TTBK2: variants seen among roughly 807,000 people sequenced by gnomAD.
TTBK2 encodes the protein tau-tubulin kinase 2.
Under a neutral mutation model 110.8 loss-of-function variants are expected in TTBK2, and 28 were observed. The observed-to-expected ratio is 0.25, with a 90% confidence interval of 0.19 to 0.35. The LOEUF is 0.35. TTBK2 is among the 10% of genes least tolerant of loss of function. TTBK2 has a pLI of 1.00. For synonymous variants in TTBK2, 532 were observed against 527.3 expected, an observed-to-expected ratio of 1.01 and a Z score of -0.12; for missense variants, 1,369 against 1,500.3, an observed-to-expected ratio of 0.91 and a Z score of 1.45.
At chr15:42,774,534 C>T (rs1424216419) in intron 13 of TTBK2, among the ~76,000 whole-genome samples, 1 of 152,028 alleles carries the variant, frequency 6.6e-6, no homozygotes, top group Admixed American at 6.6e-5. Context: ...ATAAATGCCG[C>T]CTCTACCTGC....
At chr15:42,764,006 AG>A (rs1889234243) in intron 13 of TTBK2, among the ~76,000 whole-genome samples, 3 of 152,232 alleles carry the variant, frequency 2.0e-5, no homozygotes, top group Non-Finnish European at 4.4e-5. Context: ...ATAGAAGCCC[AG>A]AAAAGATGGA....
At chr15:42,871,321 T>C (rs930685025) in intron 3 of TTBK2, 2 of 383,784 alleles carry the variant, frequency 5.2e-6, no homozygotes, top group African/African-American at 4.4e-5. Context: ...CAAGGGTCTC[T>C]AACTCATTCA....
At chr15:42,763,793 ACAAAGGTGG>A (rs762814423) in intron 13 of TTBK2, among the ~76,000 whole-genome samples, 21 of 152,318 alleles carry the variant, frequency 1.4e-4, no homozygotes, top group Non-Finnish European at 2.9e-4. Flanking sequence ...AGTCTTTGCC[ACAAAGGTGG>A]GCAAAACTAA....
intron 14 of TTBK2, among the ~76,000 whole-genome samples, chr15:42,747,369 A>C (rs2061807536): frequency 6.6e-6 from 1 of 152,198 alleles, no homozygotes; most frequent in Non-Finnish European, 1.5e-5. Context: ...AAAATGGAAC[A>C]TATAAAAGTG....
intron 1 of TTBK2, among the ~76,000 whole-genome samples, chr15:42,884,223 T>C (rs1895158555): frequency 6.6e-6 from 1 of 152,154 alleles, no homozygotes; most frequent in African/African-American, 2.4e-5. Flanking sequence ...AATAAATAAC[T>C]AGACAGAAAA....
intron 1 of TTBK2, among the ~76,000 whole-genome samples, chr15:42,894,362 G>C (rs1895584654): frequency 6.6e-6 from 1 of 151,874 alleles, no homozygotes; most frequent in African/African-American, 2.4e-5. Context: ...AACATTTAAA[G>C]AAAAAATGAA....
At chr15:42,777,355 G>A in intron 11 of TTBK2, 113 bp from the exon 12 acceptor site, 2 of 1,149,792 alleles carry the variant, frequency 1.7e-6, no homozygotes, top group South Asian at 2.9e-5. Flanking sequence ...GTTTTCAGAT[G>A]ATTAGGATAT....
intron 2 of TTBK2, among the ~76,000 whole-genome samples, chr15:42,878,346 C>G (rs1284817365): frequency 2.6e-5 from 4 of 151,854 alleles, no homozygotes; most frequent in Non-Finnish European, 4.4e-5. Flanking sequence ...CTATACGAAG[C>G]AAGAGTAAGA....
chr15:42,872,663 T>G lies in TTBK2; in HGVS notation c.165A>C (p.Gln55His). The G allele has an allele frequency of 6.2e-7, 1 of 1,614,162 alleles. No individual in the cohort carries two copies. The highest frequency in any genetic ancestry group is 8.5e-7 in the Non-Finnish European group (1 of 1,180,024). The change falls in exon 3 of 15, where the codon CAA becomes CAC. Residue 55 changes from glutamine to histidine, a missense_variant. Around this residue, in one of 4 missense-constraint regions of TTBK2, gnomAD observed 122 missense variants for 159.7 expected, o/e 0.76. Coordinates refer to ENST00000267890, the MANE Select transcript of TTBK2 (RefSeq NM_173500.4). ...CCATTTTCAGAACTTGTTTTGGTTG[T>G]TGAGCTGATTCCACCTTCAGTGCAA... ...ENVALKVESA[Q>H]QPKQVLKMEV...
In TTBK2 at chr15:42,853,782, G is replaced by A. The variant is rs574010052; in HGVS notation, c.218-13349C>T. On this transcript the variant is annotated intron_variant, in intron 3 of 14. Coordinates refer to ENST00000267890, the MANE Select transcript of TTBK2 (RefSeq NM_173500.4). ...TGTAATCCCAGCTACTCAGGAGGCT[G>A]AGGCAGAAGAATTACTTGAACCTGG... Among the ~76,000 whole-genome samples the A allele has an allele frequency of 7.9e-5, 12 of 152,274 alleles. 1 individual carries two copies. Among genetic ancestry groups the A allele is most frequent in the African/African-American group, 2.9e-4 (12 of 41,548 alleles).
intron 10 of TTBK2, among the ~76,000 whole-genome samples, chr15:42,793,354 G>A (rs758709304): frequency 2.0e-5 from 3 of 152,136 alleles, no homozygotes; most frequent in Non-Finnish European, 2.9e-5. Flanking sequence ...AAACTCTTCC[G>A]ATGATTCAAC....
intron 13 of TTBK2, among the ~76,000 whole-genome samples, chr15:42,767,937 G>A (rs1889464852): frequency 6.6e-6 from 1 of 152,160 alleles, no homozygotes; most frequent in Non-Finnish European, 1.5e-5. Context: ...CTTCATCCCT[G>A]GGATGTAATG....
intron 6 of TTBK2, among the ~76,000 whole-genome samples, chr15:42,820,700 CAA>C (rs376951443): frequency 7.1e-6 from 1 of 140,832 alleles, no homozygotes; most frequent in Non-Finnish European, 1.6e-5. Context: ...TCTGAAGCTG[CAA>C]AAAAAAAAAG....
At chr15:42,865,529 A>C (rs79002930) in intron 3 of TTBK2, among the ~76,000 whole-genome samples, 18 of 150,752 alleles carry the variant, frequency 1.2e-4, no homozygotes, top group Non-Finnish European at 2.1e-4. Context: ...AAAAAAAAAA[A>C]CCAACAACAG....
Position 42,794,698 on chromosome 15 carries a change from G to A in TTBK2, c.926C>T (p.Thr309Ile). The A allele has an allele frequency of 6.2e-7, 1 of 1,614,158 alleles. No individual in the cohort carries two copies. Among genetic ancestry groups the A allele is most frequent in the Non-Finnish European group, 8.5e-7 (1 of 1,180,036 alleles). The change falls in exon 10 of 15, where the codon ACC (threonine) becomes ATC (isoleucine). Residue 309 changes from threonine (T) to isoleucine (I), a missense_variant. Thr to Ile is a moderately conservative substitution (Grantham distance 89). This residue lies in a region of TTBK2 where 138 missense variants were observed against 179.0 expected (regional missense o/e 0.77). Coordinates refer to ENST00000267890, the MANE Select transcript of TTBK2 (RefSeq NM_173500.4). ...CAACTGAGGGGTGGTAGAAGTAGTG[G>A]TGGTTGTTAGGGAGCCATCATTTCC... ...KTGNDGSLTT[T>I]TTSTTPQLHT...
At chr15:42,884,169 T>C (rs1895156716) in intron 1 of TTBK2, among the ~76,000 whole-genome samples, 1 of 151,948 alleles carries the variant, frequency 6.6e-6, no homozygotes, top group African/African-American at 2.4e-5. Flanking sequence ...ATAACTGGAG[T>C]AGACAAATCC....
chr15:42,814,687 T>C (rs1891865468), intron 7 of TTBK2, among the ~76,000 whole-genome samples: 1 of 152,190 alleles, frequency 6.6e-6, no homozygotes, highest in Non-Finnish European at 1.5e-5. Flanking sequence ...TAGAATTAGC[T>C]GGGAAACCTT....
Position 42,840,439 on chromosome 15 carries a change from T to A in TTBK2, c.218-6A>T. The A allele has an allele frequency of 6.2e-7, 1 of 1,613,172 alleles. No homozygotes were observed. The highest frequency in any genetic ancestry group is 8.5e-7 in the Non-Finnish European group (1 of 1,179,250). ...TCTACAAACATGGTCTTTCCCTGGA[T>A]AAAAAAAGAAAACAGTGGAAAAGAA... is the stretch of plus-strand genomic sequence containing the variant. On this transcript the variant is annotated splice_polypyrimidine_tract_variant and splice_region_variant and intron_variant, in intron 3 of 14. Coordinates refer to ENST00000267890, the MANE Select transcript of TTBK2 (RefSeq NM_173500.4).
chr15:42,889,013 G>C (rs924098972), intron 1 of TTBK2, among the ~76,000 whole-genome samples: 1 of 152,028 alleles, frequency 6.6e-6, no homozygotes, highest in African/African-American at 2.4e-5. Flanking sequence ...AGCCTCACAG[G>C]CCCATTCTAT....
Sources: allele counts gnomAD v4.1 joint callset (sites outside exome capture counted in the v4.1 genomes callset), GRCh38; gene constraint gnomAD v4.1.1; regional missense constraint gnomAD v4.1.1; transcripts MANE v1.5; gene names NCBI Gene and HGNC (gene_info 2026-07-23, HGNC 2026-07-21).